The following CCDC117 variants were observed in gnomAD, a reference collection of about 807,000 sequenced individuals.
CCDC117 encodes coiled-coil domain-containing protein 117.
A neutral mutation model predicts 23.5 loss-of-function variants in CCDC117; 1 was observed. The ratio of observed to expected loss-of-function variants is 0.04; its 90% CI spans 0.02 to 0.20. CCDC117 has a LOEUF of 0.20. Ranked by LOEUF, CCDC117 falls within the 10% of genes least tolerant of loss-of-function variation. The pLI, the probability that CCDC117 is intolerant of heterozygous loss-of-function variation, is 1.00. For synonymous variants in CCDC117, 132 were observed against 124.8 expected (o/e 1.06, Z -0.39); for missense variants, 383 against 348.2 (o/e 1.10, Z -0.80).
In CCDC117 at chr22:28,776,606, C is replaced by T. The variant is rs1212344488; in HGVS notation, c.239+2828C>T. On this transcript the variant is annotated intron_variant, in intron 2 of 4. Coordinates refer to ENST00000249064, the MANE Select transcript of CCDC117 (RefSeq NM_173510.4). ...CAGCTAATTTTTTTTTTTTTTGAGA[C>T]GGAGTTTCGCTCTTGTTGCCCAGGC... Among the ~76,000 whole-genome samples, 5 of 141,704 alleles carry T rather than the reference C, an allele frequency of 3.5e-5. No individual in the cohort carries two copies. The East Asian group carries it at 6.4e-4, about 18-fold the overall frequency. 93.0% of individuals were successfully genotyped at this position (141,704 alleles called of 152,430 possible).
chr22:28,773,059 CGCA>C, intron 1 of CCDC117, 25 bp downstream of exon 1: 40 of 940,630 alleles, frequency 4.3e-5, no homozygotes, highest in Non-Finnish European at 5.0e-5. Context: ...GGGCGCAGGG[CGCA>C]GGGCGGGCGG....
intron 2 of CCDC117, among the ~76,000 whole-genome samples, chr22:28,775,079 T>C (rs969763286): frequency 6.6e-6 from 1 of 152,086 alleles, no homozygotes; most frequent in African/African-American, 2.4e-5. Flanking sequence ...TTGGCCAGCA[T>C]GGTGAAACCC....
intron 3 of CCDC117, among the ~76,000 whole-genome samples, chr22:28,781,949 C>CT (rs754411163): frequency 0.018 from 2,511 of 141,746 alleles, 28 homozygotes; most frequent in African/African-American, 0.035. Context: ...AGCCCCCCCC[C>CT]TTTTTTTTTT....
rs978314339 is a variant in CCDC117, at chr22:28,781,228, T to C, written c.464+56T>C. 8 of 972,962 alleles carry C rather than the reference T, an allele frequency of 8.2e-6. No homozygotes were observed. In the East Asian group the frequency reaches 1.8e-4, roughly 22 times the overall value. 60.3% of individuals were successfully genotyped at this position (972,962 alleles called of 1,614,324 possible). ...TGCTGTTCTCTTGTAATAACTCTGC[T>C]CATATAAGCTAGTTCTGTTTATCAT... is the stretch of plus-strand genomic sequence containing the variant. On this transcript the variant is annotated intron_variant, in intron 3 of 4. Coordinates refer to ENST00000249064, the MANE Select transcript of CCDC117 (RefSeq NM_173510.4).
At chr22:28,779,770 A>G (rs2031267420) in intron 2 of CCDC117, among the ~76,000 whole-genome samples, 2 of 152,292 alleles carry the variant, frequency 1.3e-5, no homozygotes, top group Middle Eastern at 3.4e-3. Flanking sequence ...TTTGGCCCTC[A>G]GTTTAAAGAA....
chr22:28,779,262 C>T (rs1305767715), intron 2 of CCDC117, among the ~76,000 whole-genome samples: 4 of 152,138 alleles, frequency 2.6e-5, no homozygotes, highest in East Asian at 1.9e-4. Flanking sequence ...AGTGCAGTGA[C>T]GCAATCTTGG....
rs889966119 is a variant in CCDC117 at position 28,772,752 on chromosome 22, G to C, written c.-98G>C. The C allele has an allele frequency of 1.5e-4, 153 of 993,508 alleles. 1 individual carries two copies. The highest frequency in any genetic ancestry group is 1.8e-4 in the Non-Finnish European group (140 of 778,984). The allele number at this position is 993,508 out of a possible 1,614,324, so 61.5% of individuals were successfully genotyped here. A position where few individuals can be genotyped will look rare whatever the true frequency, so the allele number is the denominator to read the frequency against. On this transcript the variant is annotated 5_prime_UTR_variant, in exon 1 of 5. Coordinates refer to ENST00000249064, the MANE Select transcript of CCDC117 (RefSeq NM_173510.4). ...TGACGTGGGGTCGAGAGCGGGATCC[G>C]AGGCTGGCGGGTTTTGGCAGTAGCT...
At chr22:28,779,297 G>T (rs1464186273) in intron 2 of CCDC117, among the ~76,000 whole-genome samples, 1 of 152,102 alleles carries the variant, frequency 6.6e-6, no homozygotes, top group Non-Finnish European at 1.5e-5. Context: ...CCCCCTCCTG[G>T]GTTCAAGCGA....
intron 2 of CCDC117, among the ~76,000 whole-genome samples, chr22:28,776,774 G>A (rs2031173300): frequency 6.6e-6 from 1 of 151,980 alleles, no homozygotes; most frequent in Admixed American, 6.6e-5. Flanking sequence ...AGTAGAGATG[G>A]GGTTTCTGCA....
chr22:28,778,520 A>G (rs2031235203), intron 2 of CCDC117, among the ~76,000 whole-genome samples: 1 of 152,066 alleles, frequency 6.6e-6, no homozygotes, highest in Non-Finnish European at 1.5e-5. Flanking sequence ...AGGCGGGAGA[A>G]TTGCTTGAAC....
rs528438521 is a variant in CCDC117, at chr22:28,787,956, T to C, written c.*1630T>C. 13 of 152,714 alleles carry C rather than the reference T, an allele frequency of 8.5e-5. No individual in the cohort carries two copies. The East Asian group carries it at 2.5e-3, about 29-fold the overall frequency. The allele number at this position is 152,714 out of a possible 1,614,324, so 9.5% of individuals were successfully genotyped here. Reference sequence around the variant, plus strand: ...TTTTTGGAACCCTTACTGAAATCCCTCCCCTTGTTACAGATGGCGTAGAAG... The same window carrying C: ...TTTTTGGAACCCTTACTGAAATCCCCCCCCTTGTTACAGATGGCGTAGAAG... On this transcript the variant is annotated 3_prime_UTR_variant, in exon 5 of 5. Coordinates refer to ENST00000249064, the MANE Select transcript of CCDC117 (RefSeq NM_173510.4).
intron 2 of CCDC117, among the ~76,000 whole-genome samples, chr22:28,777,325 G>A (rs1277512815): frequency 2.0e-5 from 3 of 151,456 alleles, no homozygotes; most frequent in Non-Finnish European, 2.9e-5. Flanking sequence ...GAGCCACTGC[G>A]CCTGGCCTAT....
At chr22:28,782,699 A>C (rs1216832018) in intron 3 of CCDC117, among the ~76,000 whole-genome samples, 3 of 151,926 alleles carry the variant, frequency 2.0e-5, no homozygotes, top group African/African-American at 7.3e-5. Flanking sequence ...TGCCTCCCAG[A>C]GGGCTGGGAT....
chr22:28,772,763 G>T lies in CCDC117; in HGVS notation c.-87G>T. On this transcript the variant is annotated 5_prime_UTR_variant, in exon 1 of 5. Transcript: ENST00000249064. The stretch of plus-strand genomic sequence containing the variant: ...CGAGAGCGGGATCCGAGGCTGGCGG[G>T]TTTTGGCAGTAGCTGTGGCTGCGGC... 9.2e-7 allele frequency: 1 copy of T among 1,089,748 alleles called. No homozygotes were observed. The highest frequency in any genetic ancestry group is 4.4e-5 in the Admixed American group (1 of 22,536). 67.5% of individuals were successfully genotyped at this position (1,089,748 alleles called of 1,614,324 possible).
intron 3 of CCDC117, among the ~76,000 whole-genome samples, chr22:28,781,690 C>T (rs115253634): frequency 0.016 from 2,369 of 151,864 alleles, 68 homozygotes; most frequent in African/African-American, 0.055. Flanking sequence ...GTTACCTAGG[C>T]TGGAGTGCAG....
intron 3 of CCDC117, among the ~76,000 whole-genome samples, chr22:28,781,904 A>T (rs192789007): frequency 6.6e-6 from 1 of 151,112 alleles, no homozygotes; most frequent in Non-Finnish European, 1.5e-5. Flanking sequence ...CGGCCTCCCA[A>T]AGTGCTGGGA....
At position 28,773,030 on chromosome 22, in the gene CCDC117, G is replaced by C. The variant is rs536202476; in HGVS notation, c.181G>C (p.Gly61Arg). Residue 61 changes from glycine to arginine, a missense_variant, in exon 1 of 5, where the codon GGA becomes CGA. Physicochemically the swap from Gly to Arg is moderately radical, Grantham distance 125. Transcript: ENST00000249064. ...CAGTCCCGCTGGGAGTGCGGCGCGC[G>C]GACGGTGAGGAGCCCGTCGGGCGCA... is the stretch of plus-strand genomic sequence containing the variant. ...PSSPAGSAAR[G>R]RVSVHCKKKH... The C allele has an allele frequency of 5.0e-5, 59 of 1,172,970 alleles. 1 individual carries two copies. The highest frequency in any genetic ancestry group is 3.9e-4 in the African/African-American group (24 of 61,814). 72.7% of individuals were successfully genotyped at this position (1,172,970 alleles called of 1,614,324 possible). A position where few individuals can be genotyped will look rare whatever the true frequency, so the allele number is the denominator to read the frequency against.
rs2031036578 is a variant in CCDC117 at position 28,773,022 on chromosome 22, C to G, written c.173C>G (p.Ala58Gly). The stretch of plus-strand genomic sequence containing the variant: ...GTCCCTAGCAGTCCCGCTGGGAGTG[C>G]GGCGCGCGGACGGTGAGGAGCCCGT... ...RAVPSSPAGS[A>G]ARGRVSVHCK... Residue 58 changes from alanine (A) to glycine (G), a missense_variant, in exon 1 of 5, where the codon GCG (alanine) becomes GGG (glycine). Physicochemically the swap from Ala to Gly is moderately conservative, Grantham distance 60. Transcript: ENST00000249064. 2.6e-6 allele frequency: 3 copies of G among 1,140,458 alleles called. No individual in the cohort carries two copies. Among genetic ancestry groups the G allele is most frequent in the Non-Finnish European group, 3.2e-6 (3 of 926,602 alleles). 70.6% of individuals were successfully genotyped at this position (1,140,458 alleles called of 1,614,324 possible). A position where few individuals can be genotyped will look rare whatever the true frequency, so the allele number is the denominator to read the frequency against.
chr22:28,774,409 C>G (rs1256285535), intron 2 of CCDC117, among the ~76,000 whole-genome samples: 1 of 145,708 alleles, frequency 6.9e-6, no homozygotes, highest in African/African-American at 2.6e-5. Flanking sequence ...GGGGCTCTGT[C>G]ACCCAAGCTG....
Sources: gnomAD v4.1 joint callset for allele counts (sites outside exome capture counted in the v4.1 genomes callset) on GRCh38, gnomAD v4.1.1 for gene constraint, MANE v1.5 for transcripts, NCBI Gene and HGNC (gene_info 2026-07-23, HGNC 2026-07-21) for gene names.